Variants in MSRA observed in about 807,000 individuals in gnomAD.
The protein encoded by MSRA is methionine sulfoxide reductase A.
A neutral mutation model predicts 31.3 loss-of-function variants in MSRA; 54 were observed. That is an observed-to-expected ratio of 1.73 (90% CI 1.39 to 2.17). The LOEUF (loss-of-function observed/expected upper bound fraction) is 2.17, where lower values mean the gene tolerates loss of function less well. MSRA is among the 30% of genes most tolerant of loss of function. The pLI, the probability that MSRA is intolerant of heterozygous loss-of-function variation, is 0.00. For missense variants in MSRA, 507 were observed against 300.9 expected (o/e 1.69, Z -5.07); for synonymous variants, 169 against 116.5 (o/e 1.45, Z -2.90).
chr8:10,107,386 T>G (rs1229989933), intron 1 of MSRA, among the ~76,000 whole-genome samples: 1 of 152,146 alleles, frequency 6.6e-6, no homozygotes, highest in East Asian at 1.9e-4. Flanking sequence ...AAATCTCCTT[T>G]TCTGACCTCC....
intron 3 of MSRA, among the ~76,000 whole-genome samples, chr8:10,262,706 A>T (rs1798545363): frequency 6.6e-6 from 1 of 152,116 alleles, no homozygotes; most frequent in Non-Finnish European, 1.5e-5. Context: ...TTATTTGTGA[A>T]CTGTGTGGGT....
chr8:10,145,498 A>G (rs904765535), intron 1 of MSRA, among the ~76,000 whole-genome samples: 2 of 151,942 alleles, frequency 1.3e-5, no homozygotes, highest in Admixed American at 6.6e-5. Context: ...TGCATAATTC[A>G]TTTTCTACTG....
chr8:10,090,246 C>T (rs1053420256), intron 1 of MSRA, among the ~76,000 whole-genome samples: 1 of 152,036 alleles, frequency 6.6e-6, no homozygotes, highest in Non-Finnish European at 1.5e-5. Context: ...GCCTAGCAGT[C>T]CAGGAGAGCA....
At chr8:10,392,821 C>T (rs1250266907) in intron 5 of MSRA, among the ~76,000 whole-genome samples, 2 of 142,140 alleles carry the variant, frequency 1.4e-5, no homozygotes, top group Admixed American at 7.5e-5. Context: ...CTGAGACGGG[C>T]GTATCACCAG....
At chr8:10,292,506 C>T (rs982094867) in intron 3 of MSRA, among the ~76,000 whole-genome samples, 8 of 152,256 alleles carry the variant, frequency 5.3e-5, no homozygotes, top group African/African-American at 1.9e-4. Context: ...CTCTCCCTGC[C>T]CTTGCTGAAC....
At chr8:10,117,413 G>C (rs1800765929) in intron 1 of MSRA, among the ~76,000 whole-genome samples, 1 of 152,180 alleles carries the variant, frequency 6.6e-6, no homozygotes, top group African/African-American at 2.4e-5. Context: ...CAGCTCTCTG[G>C]TCAGCCGCAT....
At chr8:10,059,368 G>A (rs1400941757) in intron 1 of MSRA, among the ~76,000 whole-genome samples, 1 of 152,132 alleles carries the variant, frequency 6.6e-6, no homozygotes, top group Non-Finnish European at 1.5e-5. Context: ...TTATAGATGT[G>A]GAAACTGAGG....
At chr8:10,188,481 T>TA (rs1807239604) in intron 1 of MSRA, among the ~76,000 whole-genome samples, 1 of 152,202 alleles carries the variant, frequency 6.6e-6, no homozygotes, top group African/African-American at 2.4e-5. Context: ...TTTCCACAAT[T>TA]ACGGATTTCG....
At chr8:10,262,986 G>T (rs573244783) in intron 3 of MSRA, among the ~76,000 whole-genome samples, 1 of 152,284 alleles carries the variant, frequency 6.6e-6, no homozygotes, top group African/African-American at 2.4e-5. Flanking sequence ...TTGACTTCCT[G>T]CAAGTTCTGT....
At chr8:10,166,842 A>G (rs1168027122) in intron 1 of MSRA, among the ~76,000 whole-genome samples, 1 of 151,978 alleles carries the variant, frequency 6.6e-6, no homozygotes, top group Non-Finnish European at 1.5e-5. Context: ...CAGAATTGCA[A>G]CCCTGGAAGC....
chr8:10,369,970 T>C (rs1278828450), intron 5 of MSRA, among the ~76,000 whole-genome samples: 1 of 152,236 alleles, frequency 6.6e-6, no homozygotes, highest in East Asian at 1.9e-4. Context: ...CATCAAATCC[T>C]TGATGGACAC....
At chr8:10,191,414 T>A (rs1057094066) in intron 1 of MSRA, among the ~76,000 whole-genome samples, 1 of 152,220 alleles carries the variant, frequency 6.6e-6, no homozygotes, top group African/African-American at 2.4e-5. Flanking sequence ...TTCTTCATTG[T>A]TTTTGTAAGC....
chr8:10,201,502 C>T (rs1473655336), intron 1 of MSRA, among the ~76,000 whole-genome samples: 1 of 152,186 alleles, frequency 6.6e-6, no homozygotes, highest in African/African-American at 2.4e-5. Flanking sequence ...CCTCCTTACC[C>T]AGAGGATACG....
chr8:10,179,218 T>C (rs1473928460), intron 1 of MSRA, among the ~76,000 whole-genome samples: 1 of 152,188 alleles, frequency 6.6e-6, no homozygotes, highest in African/African-American at 2.4e-5. Context: ...CATCATCTAT[T>C]TTTTAACATA....
intron 1 of MSRA, among the ~76,000 whole-genome samples, chr8:10,081,456 C>A (rs892489836): frequency 6.6e-6 from 1 of 152,128 alleles, no homozygotes; most frequent in Non-Finnish European, 1.5e-5. Context: ...TCGGGCATCT[C>A]CAGATGCTAC....
At chr8:10,191,187 G>C (rs1276847133) in intron 1 of MSRA, among the ~76,000 whole-genome samples, 1 of 152,018 alleles carries the variant, frequency 6.6e-6, no homozygotes, top group Non-Finnish European at 1.5e-5. Context: ...TATAGCAAAA[G>C]GGAAAAAACA....
chr8:10,386,630 C>A (rs1806408580), intron 5 of MSRA, among the ~76,000 whole-genome samples: 2 of 152,152 alleles, frequency 1.3e-5, no homozygotes, highest in Non-Finnish European at 2.9e-5. Context: ...CCTGGAGCTT[C>A]TGATTCAGCA....
chr8:10,117,619 A>T (rs1800780670), intron 1 of MSRA, among the ~76,000 whole-genome samples: 1 of 152,236 alleles, frequency 6.6e-6, no homozygotes, highest in African/African-American at 2.4e-5. Context: ...AGATATAGAT[A>T]GTCTGTAATT....
chr8:10,241,739 C>T (rs1812432206), intron 2 of MSRA, among the ~76,000 whole-genome samples: 1 of 143,566 alleles, frequency 7.0e-6, no homozygotes, highest in Non-Finnish European at 1.6e-5. Flanking sequence ...TAATCAAAGA[C>T]CATCCATAGC....
Sources: allele counts gnomAD v4.1 joint callset (sites outside exome capture counted in the v4.1 genomes callset), GRCh38; gene constraint gnomAD v4.1.1; transcripts MANE v1.5; gene names NCBI Gene and HGNC (gene_info 2026-07-23, HGNC 2026-07-21).